Variants in BOD1L1 observed in about 807,000 individuals in gnomAD.
BOD1L1 encodes the protein biorientation of chromosomes in cell division protein 1-like 1.
A neutral mutation model predicts 240.7 loss-of-function variants in BOD1L1; 86 were observed. That is an observed-to-expected ratio of 0.36 (90% confidence interval 0.30 to 0.43). The LOEUF is 0.43. BOD1L1 is among the 20% of genes least tolerant of loss of function. The pLI is 1.00. For missense variants in BOD1L1, 3,554 were observed against 3,643.5 expected, an observed-to-expected ratio of 0.98 and a Z score of 0.63; for synonymous variants, 1,268 against 1,272.3, an observed-to-expected ratio of 1.00 and a Z score of 0.07.
At chr4:13,616,317 T>A (rs1459041150) in intron 2 of BOD1L1, among the ~76,000 whole-genome samples, 1 of 152,196 alleles carries the variant, frequency 6.6e-6, no homozygotes, top group Non-Finnish European at 1.5e-5. Flanking sequence ...ATGTCGAAGA[T>A]AATTTAGGAG....
In BOD1L1 at chr4:13,603,058, G is replaced by A. The variant is rs771286733; in HGVS notation, c.3842C>T (p.Ser1281Leu). 149 of 1,613,876 alleles carry A rather than the reference G, an allele frequency of 9.2e-5. No individual in the cohort carries two copies. Among genetic ancestry groups the A allele is most frequent in the Non-Finnish European group, 1.2e-4 (144 of 1,179,884 alleles). The part of the protein sequence containing the change: ...TLEHSTNLDS[S>L]PSLSSVTVVP... ...AACAGTCACTGAACTTAAGGATGGT[G>A]AGGAGTCTAAATTTGTGGAATGTTC... Residue 1281 changes from serine to leucine, a missense_variant, in exon 10 of 26, where the codon TCA (serine) becomes TTA (leucine). This residue lies in a region of BOD1L1 where 3,393 missense variants were observed against 3,427.1 expected (regional missense o/e 0.99). Transcript: ENST00000040738.
intron 22 of BOD1L1, among the ~76,000 whole-genome samples, chr4:13,579,509 T>G (rs1713046306): frequency 1.3e-5 from 2 of 152,238 alleles, no homozygotes; most frequent in South Asian, 4.1e-4. Context: ...TAATCTTTGT[T>G]GTTGATATCA....
intron 1 of BOD1L1, 35 bp downstream of exon 1, chr4:13,627,310 C>CAG (rs761080032): frequency 6.6e-5 from 80 of 1,205,694 alleles, no homozygotes; most frequent in Non-Finnish European, 8.4e-5. Context: ...TCCTCCCCTT[C>CAG]CCTCGCAGAC....
In BOD1L1 at chr4:13,603,354, CTTA is replaced by C. The variant is rs1222204481; in HGVS notation, c.3543_3545del (p.Tyr1181_Lys1182delinsTer). ...TATTAACTCCTGTTCCACGGCCTGGCTTATAAGCTGGAGCTGTTGCTTTTGAAT... is the reference window on the plus strand; with the variant it reads ...TATTAACTCCTGTTCCACGGCCTGGCTAAGCTGGAGCTGTTGCTTTTGAAT... On this transcript the variant is annotated stop_gained and inframe_deletion, in exon 10 of 26. Transcript: ENST00000040738. LOFTEE classifies it high-confidence loss of function. 1 of 1,613,866 alleles carries C rather than the reference CTTA, an allele frequency of 6.2e-7. No homozygotes were observed. The highest frequency in any genetic ancestry group is 1.7e-5 in the Admixed American group (1 of 59,984).
At chr4:13,598,891 G>T in intron 10 of BOD1L1, 55 bp downstream of exon 10, 2 of 1,514,258 alleles carry the variant, frequency 1.3e-6, no homozygotes, top group Non-Finnish European at 1.8e-6. Flanking sequence ...AATGCACTCT[G>T]TTGTACAATC....
At position 13,627,702 on chromosome 4, in the gene BOD1L1, C is replaced by A. The variant is rs145156294; in HGVS notation, c.-115G>T. 6.5e-6 allele frequency: 6 copies of A among 928,286 alleles called. No homozygotes were observed. Among genetic ancestry groups the A allele is most frequent in the Non-Finnish European group, 7.8e-6 (6 of 773,082 alleles). 57.5% of individuals were successfully genotyped at this position (928,286 alleles called of 1,614,324 possible). A position where few individuals can be genotyped will look rare whatever the true frequency, so the allele number is the denominator to read the frequency against. ...CAACGGGATGTTGTTACGGAACCAGCGGATCCAGAGCAACCCCGGAAGTGA... is the reference window on the plus strand; with the variant it reads ...CAACGGGATGTTGTTACGGAACCAGAGGATCCAGAGCAACCCCGGAAGTGA... On this transcript the variant is annotated 5_prime_UTR_variant, in exon 1 of 26. Transcript: ENST00000040738.
intron 6 of BOD1L1, 80 bp downstream of exon 6, chr4:13,610,854 C>T (rs1443243358): frequency 1.6e-6 from 2 of 1,251,970 alleles, no homozygotes; most frequent in African/African-American, 1.5e-5. Flanking sequence ...TTCATATGCA[C>T]ATCAGTACCT....
Position 13,622,960 on chromosome 4 carries a change from C to T in BOD1L1, c.244-2893G>A, listed in dbSNP as rs538630358. 2.0e-5 allele frequency among the ~76,000 whole-genome samples: 3 copies of T among 152,304 alleles called. No individual in the cohort carries two copies. In the East Asian group the frequency reaches 5.8e-4, roughly 29 times the overall value. On this transcript the variant is annotated intron_variant, in intron 1 of 25. Transcript: ENST00000040738. Reference sequence around the variant, plus strand: ...ACCTACCTCACCTCTTGTCACTTTCCCCTTAGTGGGTCTGTCTCAGCTCTT... The same window carrying T: ...ACCTACCTCACCTCTTGTCACTTTCTCCTTAGTGGGTCTGTCTCAGCTCTT...
At chr4:13,592,518 T>C (rs769713695) in intron 12 of BOD1L1, 8 of 152,250 alleles carry the variant, frequency 5.3e-5, no homozygotes, top group Non-Finnish European at 8.8e-5. Context: ...AGTAAAGTTA[T>C]CTGAAATATA....
intron 17 of BOD1L1, among the ~76,000 whole-genome samples, chr4:13,585,743 C>T (rs183607490): frequency 3.9e-5 from 6 of 152,194 alleles, no homozygotes; most frequent in Admixed American, 2.0e-4. Context: ...GTAATTGAAT[C>T]GGGGGGCAGG....
At position 13,597,136 on chromosome 4, in the gene BOD1L1, C is replaced by A; in HGVS notation, c.7987G>T (p.Gly2663Ter). Residue 2663 changes from glycine (G) to a stop codon, truncating the protein, a stop_gained, in exon 11 of 26, where the codon GGA becomes TGA. Transcript: ENST00000040738. LOFTEE classifies it high-confidence loss of function. ...TTCAAGTTGGCTTTCAGTTTCAATC[C>A]TCCCAAAACATTCAATGGAGACTCT... The part of the protein sequence containing the change: ...NEESPLNVLG[G>*]LKLKANLKME... The A allele has an allele frequency of 6.3e-7, 1 of 1,595,788 alleles. No homozygotes were observed. Among genetic ancestry groups the A allele is most frequent in the East Asian group, 2.2e-5 (1 of 44,518 alleles).
rs1161317227 is a variant in BOD1L1, at chr4:13,609,391, C to G, written c.1507G>C (p.Glu503Gln). 3.9e-6 allele frequency: 6 copies of G among 1,522,888 alleles called. No individual in the cohort carries two copies. Among genetic ancestry groups the G allele is most frequent in the Non-Finnish European group, 5.3e-6 (6 of 1,138,270 alleles). The allele number at this position is 1,522,888 out of a possible 1,614,324, so 94.3% of individuals were successfully genotyped here. ...RRQSIAKEKE[E>Q]RLLRRQINRE... The stretch of plus-strand genomic sequence containing the variant: ...TTGATTTGCCTTCTTAAAAGCCTCT[C>G]TTCTTTTTCTTTGGCCTAAAACCAC... The change falls in exon 7 of 26, where the codon GAG becomes CAG. Residue 503 changes from glutamate to glutamine, a missense_variant. By Grantham distance (29) the Glu-to-Gln change is conservative. Coordinates refer to ENST00000040738, the MANE Select transcript of BOD1L1 (RefSeq NM_148894.3).
intron 1 of BOD1L1, among the ~76,000 whole-genome samples, chr4:13,622,412 TCCTAGGAACATGTATGTAC>T (rs1418350713): frequency 1.3e-5 from 2 of 152,158 alleles, no homozygotes; most frequent in African/African-American, 4.8e-5. Flanking sequence ...AGAAGTATTC[TCCTAGGAACATGTATGTAC>T]CCACATGTAC....
At chr4:13,593,913 A>T (rs901392590) in intron 12 of BOD1L1, among the ~76,000 whole-genome samples, 2 of 152,230 alleles carry the variant, frequency 1.3e-5, no homozygotes, top group Admixed American at 6.5e-5. Context: ...AGTAAGCTAC[A>T]TTCCTCTGGT....
At chr4:13,621,082 C>T (rs927258929) in intron 1 of BOD1L1, among the ~76,000 whole-genome samples, 3 of 152,168 alleles carry the variant, frequency 2.0e-5, no homozygotes, top group African/African-American at 7.2e-5. Context: ...GTCGACAGTG[C>T]TGAGTCTGAG....
In BOD1L1 at chr4:13,581,214, G is replaced by A; in HGVS notation, c.8593-7C>T. 1 of 1,537,020 alleles carries A rather than the reference G, an allele frequency of 6.5e-7. No individual in the cohort carries two copies. The highest frequency in any genetic ancestry group is 2.1e-5 in the Admixed American group (1 of 47,678). The stretch of plus-strand genomic sequence containing the variant: ...TAATTATTGGCTGATCTTCCTAAGG[G>A]GGAAATAAAAAACAACAACAGCAAT... On this transcript the variant is annotated splice_polypyrimidine_tract_variant and splice_region_variant and intron_variant, in intron 19 of 25. Coordinates refer to ENST00000040738, the MANE Select transcript of BOD1L1 (RefSeq NM_148894.3).
rs1270679853 is a variant in BOD1L1, at chr4:13,602,710, T to C, written c.4190A>G (p.Asn1397Ser). The C allele has an allele frequency of 1.2e-6, 2 of 1,614,050 alleles. No individual in the cohort carries two copies. The highest frequency in any genetic ancestry group is 3.3e-5 in the Admixed American group (2 of 60,028). ...GSKLTGVIVE[N>S]ENITKEGGLV... ...GCCACCTTCTTTGGTAATATTCTCA[T>C]TTTCCACAATCACGCCCGTTAACTT... The change falls in exon 10 of 26, where the codon AAT becomes AGT. Residue 1397 changes from asparagine (N) to serine (S), a missense_variant. Asn to Ser is a conservative substitution (Grantham distance 46). Coordinates refer to ENST00000040738, the MANE Select transcript of BOD1L1 (RefSeq NM_148894.3).
chr4:13,596,453 T>G (rs965881177), intron 11 of BOD1L1, among the ~76,000 whole-genome samples: 1 of 152,184 alleles, frequency 6.6e-6, no homozygotes, highest in East Asian at 1.9e-4. Context: ...ATTGGGCAAG[T>G]TGTGTTTCCT....
rs762831398 is a variant in BOD1L1 at position 13,601,196 on chromosome 4, C to T, written c.5704G>A (p.Ala1902Thr). 1.9e-6 allele frequency: 3 copies of T among 1,614,036 alleles called. No individual in the cohort carries two copies. The highest frequency in any genetic ancestry group is 2.2e-5 in the East Asian group (1 of 44,876). Residue 1902 changes from alanine (A) to threonine (T), a missense_variant, in exon 10 of 26, where the codon GCA becomes ACA. Transcript: ENST00000040738. ...ESEGVLICES[A>T]EGDSQIGTVV... is the part of the protein sequence containing the mutation. ...GTACCAATCTGACTGTCCCCTTCTG[C>T]ACTTTCACAAATCAAGACCCCTTCA...
Sources: gnomAD v4.1 joint callset for allele counts (sites outside exome capture counted in the v4.1 genomes callset) on GRCh38, gnomAD v4.1.1 for gene constraint, gnomAD v4.1.1 regional missense constraint, MANE v1.5 for transcripts, NCBI Gene and HGNC (gene_info 2026-07-23, HGNC 2026-07-21) for gene names.